TMSB4X: variants seen among roughly 807,000 people sequenced by gnomAD.
The protein encoded by TMSB4X is thymosin beta 4 X-linked.
A neutral mutation model predicts 3.6 loss-of-function variants in TMSB4X; 1 was observed. That is an observed-to-expected ratio of 0.28 (90% confidence interval 0.10 to 1.32). The LOEUF (loss-of-function observed/expected upper bound fraction) is 1.32, where lower values mean the gene tolerates loss of function less well. TMSB4X is among the 40% of genes most tolerant of loss of function. The pLI is 0.45. For missense variants in TMSB4X, 6 were observed against 32.7 expected (o/e 0.18, Z 1.99); for synonymous variants, 12 against 14.3 (o/e 0.84, Z 0.36).
chrX:12,976,420 G>T (rs2043296550), intron 2 of TMSB4X, 59 bp downstream of exon 2: 9 of 1,051,565 alleles, frequency 8.6e-6, no homozygotes, highest in Non-Finnish European at 1.2e-5. Context: ...CGGTGGGAGG[G>T]CGGGAGGCTG....
rs138495959 is a variant in TMSB4X, at chrX:12,976,748, C to CTT, written c.101-12_101-11dup. ...GAATCCTTTAATCATCTCCCTCCAT[C>CTT]TTTTTTTTTTTTTTTTTTCTGGTCA... On this transcript the variant is annotated intron_variant, in intron 2 of 2. Transcript: ENST00000451311. The CTT allele has an allele frequency of 8.2e-3, 8,575 of 1,049,917 alleles. 19 individuals are homozygous for CTT. Among genetic ancestry groups the CTT allele is most frequent in the Admixed American group, 0.016 (494 of 31,720 alleles). The allele number at this position is 1,049,917 out of a possible 1,213,427, so 86.5% of individuals were successfully genotyped here.
intron 1 of TMSB4X, 149 bp from the exon 2 acceptor site, chrX:12,976,097 G>A (rs1391586807): frequency 2.1e-5 from 9 of 430,125 alleles, no homozygotes; most frequent in African/African-American, 2.0e-4. Context: ...GTAGAAAGAG[G>A]AAGCTCGTGA....
In TMSB4X at chrX:12,976,869, ACTT is replaced by A; in HGVS notation, c.*62_*64del. Reference sequence around the variant, plus strand: ...TCCACAAGCATTGCCTTCTTATTTTACTTCTTTTAGCTGTTTAACTTTGTAAGA... The same window carrying A: ...TCCACAAGCATTGCCTTCTTATTTTACTTTTAGCTGTTTAACTTTGTAAGA... On this transcript the variant is annotated 3_prime_UTR_variant, in exon 3 of 3. Coordinates refer to ENST00000451311, the MANE Select transcript of TMSB4X (RefSeq NM_021109.4). 2.6e-6 allele frequency: 3 copies of A among 1,136,544 alleles called. No individual in the cohort carries two copies. Among genetic ancestry groups the A allele is most frequent in the Non-Finnish European group, 3.6e-6 (3 of 837,137 alleles). 93.7% of individuals were successfully genotyped at this position (1,136,544 alleles called of 1,213,427 possible).
chrX:12,976,932 C>T lies in TMSB4X; in HGVS notation c.*121C>T, dbSNP rs3930410. On this transcript the variant is annotated 3_prime_UTR_variant, in exon 3 of 3. Coordinates refer to ENST00000451311, the MANE Select transcript of TMSB4X (RefSeq NM_021109.4). ...GTTGGATCAAGTTTAAATGACTGTG[C>T]TGCCCCTTTCACATCAAAGAACTAC... 1.2e-6 allele frequency: 1 copy of T among 808,296 alleles called. No individual in the cohort carries two copies. The highest frequency in any genetic ancestry group is 1.8e-6 in the Non-Finnish European group (1 of 556,626). The allele number at this position is 808,296 out of a possible 1,213,427, so 66.6% of individuals were successfully genotyped here. A position where few individuals can be genotyped will look rare whatever the true frequency, so the allele number is the denominator to read the frequency against.
In TMSB4X at chrX:12,976,935, C is replaced by T; in HGVS notation, c.*124C>T. 2 of 788,325 alleles carry T rather than the reference C, an allele frequency of 2.5e-6. No homozygotes were observed. The highest frequency in any genetic ancestry group is 3.7e-6 in the Non-Finnish European group (2 of 538,680). 65.0% of individuals were successfully genotyped at this position (788,325 alleles called of 1,213,427 possible). A position where few individuals can be genotyped will look rare whatever the true frequency, so the allele number is the denominator to read the frequency against. On this transcript the variant is annotated 3_prime_UTR_variant, in exon 3 of 3. Coordinates refer to ENST00000451311, the MANE Select transcript of TMSB4X (RefSeq NM_021109.4). ...GGATCAAGTTTAAATGACTGTGCTGCCCCTTTCACATCAAAGAACTACTGA... is the reference window on the plus strand; with the variant it reads ...GGATCAAGTTTAAATGACTGTGCTGTCCCTTTCACATCAAAGAACTACTGA...
chrX:12,976,003 G>A (rs780927286), intron 1 of TMSB4X: 1 of 312,087 alleles, frequency 3.2e-6, no homozygotes, highest in South Asian at 6.5e-5. Context: ...GCAAGATTCG[G>A]CTTTGAGAGG....
intron 1 of TMSB4X, chrX:12,975,610 T>C (rs2043291136): frequency 8.8e-6 from 1 of 113,604 alleles, no homozygotes; most frequent in African/African-American, 3.2e-5. Flanking sequence ...TTTACAGTCC[T>C]TCTTGCAGAG....
At chrX:12,976,459 G>A (rs1029655480) in intron 2 of TMSB4X, 98 bp downstream of exon 2, 3 of 716,022 alleles carry the variant, frequency 4.2e-6, no homozygotes, top group Admixed American at 2.8e-5. Context: ...ATTCGGGAGG[G>A]GGGAGTGCGG....
chrX:12,975,913 C>CTT (rs2147274748), intron 1 of TMSB4X: 1 of 129,183 alleles, frequency 7.7e-6, no homozygotes, highest in South Asian at 2.9e-4. Flanking sequence ...AGTGGCTTTC[C>CTT]TCTTCTTTCC....
In TMSB4X at chrX:12,976,424, G is replaced by C. The variant is rs1031056380; in HGVS notation, c.100+63G>C. ...GTGGGAGCGGCCGGTGGGAGGGCGGGAGGCTGGGAGCGGCCGCGGGAAGAA... is the reference window on the plus strand; with the variant it reads ...GTGGGAGCGGCCGGTGGGAGGGCGGCAGGCTGGGAGCGGCCGCGGGAAGAA... On this transcript the variant is annotated intron_variant, in intron 2 of 2. Transcript: ENST00000451311. 31 of 956,268 alleles carry C rather than the reference G, an allele frequency of 3.2e-5. No individual in the cohort carries two copies. The African/African-American group carries it at 5.9e-4, about 18-fold the overall frequency. 78.8% of individuals were successfully genotyped at this position (956,268 alleles called of 1,213,427 possible). A position where few individuals can be genotyped will look rare whatever the true frequency, so the allele number is the denominator to read the frequency against.
chrX:12,976,467 C>T (rs2147275061), intron 2 of TMSB4X, 106 bp downstream of exon 2: 2 of 681,613 alleles, frequency 2.9e-6, no homozygotes, highest in Admixed American at 2.9e-5. Context: ...GGGGGGAGTG[C>T]GGGGGAAGAG....
In TMSB4X at chrX:12,976,821, C is replaced by T. The variant is rs755103911; in HGVS notation, c.*10C>T. On this transcript the variant is annotated 3_prime_UTR_variant, in exon 3 of 3. Coordinates refer to ENST00000451311, the MANE Select transcript of TMSB4X (RefSeq NM_021109.4). Reference sequence around the variant, plus strand: ...AGCAGGCGAATCGTAATGAGGCGTGCGCCGCCAATATGCACTGTACATTCC... The same window carrying T: ...AGCAGGCGAATCGTAATGAGGCGTGTGCCGCCAATATGCACTGTACATTCC... 1.0e-5 allele frequency: 12 copies of T among 1,190,066 alleles called. No individual in the cohort carries two copies. In the East Asian group the frequency reaches 3.6e-4, roughly 35 times the overall value.
At position 12,976,965 on chromosome X, in the gene TMSB4X, G is replaced by T. The variant is rs2043299781; in HGVS notation, c.*154G>T. On this transcript the variant is annotated 3_prime_UTR_variant, in exon 3 of 3. Coordinates refer to ENST00000451311, the MANE Select transcript of TMSB4X (RefSeq NM_021109.4). ...TTCACATCAAAGAACTACTGACAACGAAGGCCGCGCCTGCCTTTCCCATCT... is the reference window on the plus strand; with the variant it reads ...TTCACATCAAAGAACTACTGACAACTAAGGCCGCGCCTGCCTTTCCCATCT... The T allele has an allele frequency of 1.5e-6, 1 of 647,980 alleles. No individual in the cohort carries two copies. The highest frequency in any genetic ancestry group is 2.3e-5 in the African/African-American group (1 of 44,306). The allele number at this position is 647,980 out of a possible 1,213,427, so 53.4% of individuals were successfully genotyped here. A position where few individuals can be genotyped will look rare whatever the true frequency, so the allele number is the denominator to read the frequency against.
rs11544912 is a variant in TMSB4X, at chrX:12,976,980, C to T, written c.*169C>T. On this transcript the variant is annotated 3_prime_UTR_variant, in exon 3 of 3. Transcript: ENST00000451311. ...TACTGACAACGAAGGCCGCGCCTGC[C>T]TTTCCCATCTGTCTATCTATCTGGC... is the stretch of plus-strand genomic sequence containing the variant. 3.5e-6 allele frequency: 2 copies of T among 579,436 alleles called. No homozygotes were observed. The highest frequency in any genetic ancestry group is 5.8e-5 in the South Asian group (2 of 34,526). The allele number at this position is 579,436 out of a possible 1,213,427, so 47.8% of individuals were successfully genotyped here. A position where few individuals can be genotyped will look rare whatever the true frequency, so the allele number is the denominator to read the frequency against.
intron 1 of TMSB4X, chrX:12,975,885 T>C (rs1484904090): frequency 8.4e-6 from 1 of 119,549 alleles, no homozygotes; most frequent in East Asian, 2.6e-4. Flanking sequence ...TTGCCGATTT[T>C]TCCCACTTGA....
chrX:12,975,882 T>C (rs1004547973), intron 1 of TMSB4X: 11 of 118,936 alleles, frequency 9.2e-5, no homozygotes, highest in African/African-American at 3.5e-4. Flanking sequence ...TTCTTGCCGA[T>C]TTTTCCCACT....
At chrX:12,975,603 A>T (rs901226056) in intron 1 of TMSB4X, 4 of 113,312 alleles carry the variant, frequency 3.5e-5, no homozygotes, top group African/African-American at 1.3e-4. Flanking sequence ...TGACATCTTT[A>T]CAGTCCTTCT....
intron 1 of TMSB4X, 21 bp from the exon 2 acceptor site, chrX:12,976,225 C>T (rs1056085012): frequency 8.6e-7 from 1 of 1,163,884 alleles, no homozygotes. Context: ...CTCACGCTCG[C>T]TCTTGGCTTG....
At chrX:12,976,138 A>C in intron 1 of TMSB4X, 108 bp from the exon 2 acceptor site, 1 of 551,785 alleles carries the variant, frequency 1.8e-6, no homozygotes, top group South Asian at 2.8e-5. Context: ...GAGAGCGAGA[A>C]GGGTTTTTTT....
Sources: allele counts gnomAD v4.1 joint callset, GRCh38; gene constraint gnomAD v4.1.1; transcripts MANE v1.5; gene names NCBI Gene and HGNC (gene_info 2026-07-23, HGNC 2026-07-21).